Variants in PTPRK observed in about 807,000 individuals in gnomAD.
PTPRK encodes receptor-type tyrosine-protein phosphatase kappa.
A neutral mutation model predicts 178.0 loss-of-function variants in PTPRK; 75 were observed. That is an observed-to-expected ratio of 0.42 (90% confidence interval 0.35 to 0.51). The LOEUF (loss-of-function observed/expected upper bound fraction) is 0.51. PTPRK is among the 20% of genes least tolerant of loss of function. PTPRK has a pLI of 0.02. For missense variants in PTPRK, 1,441 were observed against 1,797.8 expected, an observed-to-expected ratio of 0.80 and a Z score of 3.59; for synonymous variants, 637 against 620.6, an observed-to-expected ratio of 1.03 and a Z score of -0.39.
At chr6:128,252,990 C>T (rs954383969) in intron 3 of PTPRK, among the ~76,000 whole-genome samples, 1 of 152,114 alleles carries the variant, frequency 6.6e-6, no homozygotes, top group Non-Finnish European at 1.5e-5. Flanking sequence ...CAGTTCAATT[C>T]AGGGCCTAAG....
At chr6:128,308,833 CTT>C (rs1826823084) in intron 3 of PTPRK, among the ~76,000 whole-genome samples, 1 of 152,180 alleles carries the variant, frequency 6.6e-6, no homozygotes, top group South Asian at 2.1e-4. Flanking sequence ...GTTTCATAAA[CTT>C]TCGCCAAGCT....
chr6:128,424,600 T>A (rs999861562), intron 1 of PTPRK, among the ~76,000 whole-genome samples: 14 of 152,288 alleles, frequency 9.2e-5, no homozygotes, highest in African/African-American at 3.4e-4. Context: ...TTTTCTCTGA[T>A]CCAAATCAGC....
At chr6:128,078,636 ATC>A in intron 11 of PTPRK, among the ~76,000 whole-genome samples, 175 bp downstream of exon 11, 1 of 152,140 alleles carries the variant, frequency 6.6e-6, no homozygotes, top group Non-Finnish European at 1.5e-5. Flanking sequence ...ATTGTTGTGA[ATC>A]TCTTACTGTG....
intron 7 of PTPRK, among the ~76,000 whole-genome samples, chr6:128,144,451 GT>G (rs1466248016): frequency 1.3e-5 from 2 of 152,214 alleles, no homozygotes; most frequent in Middle Eastern, 3.4e-3. Context: ...AATGCATGTT[GT>G]TTACTCTGCT....
At chr6:128,476,701 G>A (rs193191172) in intron 1 of PTPRK, among the ~76,000 whole-genome samples, 5 of 151,858 alleles carry the variant, frequency 3.3e-5, no homozygotes, top group East Asian at 3.9e-4. Context: ...ATTTAGTCTC[G>A]TTCATAGTTA....
intron 3 of PTPRK, among the ~76,000 whole-genome samples, chr6:128,311,547 C>T (rs2128316442): frequency 6.6e-6 from 1 of 152,262 alleles, no homozygotes; most frequent in Middle Eastern, 3.4e-3. Context: ...TGGCCCCTTA[C>T]ACAGTATGAT....
intron 2 of PTPRK, among the ~76,000 whole-genome samples, chr6:128,375,029 A>T (rs1836825926): frequency 6.6e-6 from 1 of 150,462 alleles, no homozygotes; most frequent in African/African-American, 2.4e-5. Context: ...TTAGGTCTTT[A>T]ATTTTCTCCA....
chr6:128,011,603 T>A (rs1779064044), intron 13 of PTPRK, among the ~76,000 whole-genome samples: 1 of 151,060 alleles, frequency 6.6e-6, no homozygotes, highest in African/African-American at 2.4e-5. Context: ...TAAACTATCA[T>A]CATGAAGTAA....
chr6:128,067,609 G>T lies in PTPRK; in HGVS notation c.2067C>A (p.Asp689Glu). Residue 689 changes from aspartate to glutamate, a missense_variant, in exon 12 of 30, where the codon GAC becomes GAA. Transcript: ENST00000368226. ...LPEPAPFTVG[D>E]NRTYQGFWNP... ...TCCAAAAGCCTTGGTAGGTCCGATTGTCACCCACAGTGAACGGGGCAGGCT... is the reference window on the plus strand; with the variant it reads ...TCCAAAAGCCTTGGTAGGTCCGATTTTCACCCACAGTGAACGGGGCAGGCT... 1 of 1,613,394 alleles carries T rather than the reference G, an allele frequency of 6.2e-7. No homozygotes were observed.
intron 7 of PTPRK, among the ~76,000 whole-genome samples, chr6:128,113,081 G>C (rs1325889035): frequency 6.6e-6 from 1 of 151,956 alleles, no homozygotes; most frequent in Non-Finnish European, 1.5e-5. Context: ...ACGATTCTGA[G>C]ACCTCATCAA....
At chr6:128,127,124 T>C (rs1238429551) in intron 7 of PTPRK, among the ~76,000 whole-genome samples, 1 of 152,224 alleles carries the variant, frequency 6.6e-6, no homozygotes. Flanking sequence ...CTGGGTTTTC[T>C]GATATATTTC....
intron 2 of PTPRK, among the ~76,000 whole-genome samples, chr6:128,389,413 G>GTTTTTT (rs11443907): frequency 6.9e-6 from 1 of 144,436 alleles, no homozygotes. Flanking sequence ...GTTTTTTTTT[G>GTTTTTT]TTTTTTTTGT....
intron 7 of PTPRK, among the ~76,000 whole-genome samples, chr6:128,181,781 TAAAG>T (rs2114686881): frequency 6.6e-6 from 1 of 152,198 alleles, no homozygotes; most frequent in African/African-American, 2.4e-5. Context: ...AAATGGATCT[TAAAG>T]AAGGGAAGTG....
chr6:128,462,543 C>G (rs1403732597), intron 1 of PTPRK, among the ~76,000 whole-genome samples: 1 of 151,578 alleles, frequency 6.6e-6, no homozygotes, highest in African/African-American at 2.4e-5. Flanking sequence ...CAGAGAAAGA[C>G]AGGAATGGCT....
At chr6:128,073,802 A>G (rs1249831173) in intron 11 of PTPRK, among the ~76,000 whole-genome samples, 2 of 152,078 alleles carry the variant, frequency 1.3e-5, no homozygotes, top group Non-Finnish European at 2.9e-5. Context: ...CATCTATTTG[A>G]TCTAATTGGA....
intron 1 of PTPRK, among the ~76,000 whole-genome samples, chr6:128,448,181 G>A (rs967000536): frequency 1.3e-5 from 2 of 152,204 alleles, no homozygotes; most frequent in East Asian, 1.9e-4. Context: ...TCATGCCAGC[G>A]TCCTTAGGGC....
At chr6:128,386,673 G>A (rs1838784287) in intron 2 of PTPRK, among the ~76,000 whole-genome samples, 1 of 152,138 alleles carries the variant, frequency 6.6e-6, no homozygotes, top group Admixed American at 6.6e-5. Context: ...TCAAATAGAT[G>A]TTAATTTTCC....
intron 7 of PTPRK, among the ~76,000 whole-genome samples, chr6:128,107,292 T>G (rs1467829391): frequency 6.6e-6 from 1 of 152,132 alleles, no homozygotes; most frequent in Non-Finnish European, 1.5e-5. Context: ...TACTCAGCAA[T>G]TACAGTATGA....
intron 1 of PTPRK, among the ~76,000 whole-genome samples, chr6:128,500,351 T>G (rs1855363803): frequency 6.7e-6 from 1 of 149,930 alleles, no homozygotes; most frequent in African/African-American, 2.5e-5. Context: ...ATCATGTGAT[T>G]AACTGAAAAT....
Sources: allele counts gnomAD v4.1 joint callset (sites outside exome capture counted in the v4.1 genomes callset), GRCh38; gene constraint gnomAD v4.1.1; transcripts MANE v1.5; gene names NCBI Gene and HGNC (gene_info 2026-07-23, HGNC 2026-07-21).